SGMS1: variants seen among roughly 807,000 people sequenced by gnomAD.
SGMS1 encodes sphingomyelin synthase 1, also known as phosphatidylcholine:ceramide cholinephosphotransferase 1.
In SGMS1, 13 loss-of-function variants were observed where a neutral mutation model predicts 46.2. The ratio of observed to expected loss-of-function variants is 0.28; its 90% CI spans 0.18 to 0.45. The LOEUF (loss-of-function observed/expected upper bound fraction) is 0.45, where lower values mean the gene tolerates loss of function less well. Among genes scored for constraint, SGMS1 ranks in the 20% least tolerant of loss-of-function variants. The pLI is 1.00. For synonymous variants in SGMS1, 203 were observed against 187.8 expected, an observed-to-expected ratio of 1.08 and a Z score of -0.66; for missense variants, 324 against 519.9, an observed-to-expected ratio of 0.62 and a Z score of 3.66.
intron 6 of SGMS1, among the ~76,000 whole-genome samples, chr10:50,384,419 T>A (rs1848651930): frequency 6.6e-6 from 1 of 151,662 alleles, no homozygotes; most frequent in Admixed American, 6.6e-5. Flanking sequence ...TCCTTCTTTC[T>A]CCTTTCCCTC....
chr10:50,460,514 T>C (rs938440155), intron 5 of SGMS1, among the ~76,000 whole-genome samples, 159 bp downstream of exon 5: 2 of 152,192 alleles, frequency 1.3e-5, no homozygotes, highest in African/African-American at 4.8e-5. Context: ...CAGTCAAGGT[T>C]ACAGAAAGAC....
chr10:50,485,471 C>T (rs1837512276), intron 3 of SGMS1, among the ~76,000 whole-genome samples: 1 of 152,126 alleles, frequency 6.6e-6, no homozygotes, highest in Admixed American at 6.5e-5. Flanking sequence ...GCCATACTGC[C>T]CAAAGTAATT....
At chr10:50,623,982 G>C, upstream of SGMS1, 10 of 985,342 alleles carry the variant, frequency 1.0e-5, no homozygotes, top group Non-Finnish European at 1.2e-5. Context: ...TCCGCTGCCC[G>C]AGCCGGCCCG....
At chr10:50,530,272 C>A (rs1256113626) in intron 2 of SGMS1, among the ~76,000 whole-genome samples, 1 of 152,138 alleles carries the variant, frequency 6.6e-6, no homozygotes, top group Non-Finnish European at 1.5e-5. Context: ...AAAGACACAG[C>A]CAAATGGATA....
At chr10:50,404,575 T>A (rs929814823) in intron 6 of SGMS1, among the ~76,000 whole-genome samples, 4 of 152,166 alleles carry the variant, frequency 2.6e-5, no homozygotes, top group Non-Finnish European at 5.9e-5. Flanking sequence ...TGCATTGCAG[T>A]CTGGGTGAAG....
chr10:50,397,753 C>G (rs987338996), intron 6 of SGMS1, among the ~76,000 whole-genome samples: 4 of 152,122 alleles, frequency 2.6e-5, no homozygotes, highest in Non-Finnish European at 5.9e-5. Context: ...CTTAAGCAAC[C>G]ATTTAGGTTT....
intron 2 of SGMS1, among the ~76,000 whole-genome samples, chr10:50,569,179 C>T (rs1165190533): frequency 1.3e-5 from 2 of 151,376 alleles, no homozygotes; most frequent in Admixed American, 1.3e-4. Context: ...GGAGGGATAG[C>T]ATTAGGAGAA....
chr10:50,404,647 T>A (rs949357678), intron 6 of SGMS1, among the ~76,000 whole-genome samples: 1 of 152,168 alleles, frequency 6.6e-6, no homozygotes, highest in Admixed American at 6.5e-5. Context: ...AATTTGGTGA[T>A]GTTTATCAAA....
intron 6 of SGMS1, among the ~76,000 whole-genome samples, chr10:50,384,260 T>C (rs2133484424): frequency 6.6e-6 from 1 of 152,358 alleles, no homozygotes; most frequent in East Asian, 1.9e-4. Flanking sequence ...ACCATTTGTA[T>C]GATCTTGAGT....
intron 5 of SGMS1, among the ~76,000 whole-genome samples, chr10:50,442,184 A>AT (rs11397144): frequency 0.55 from 80,316 of 147,240 alleles, 21,797 homozygotes; most frequent in Non-Finnish European, 0.58. Context: ...TCTGCTGTAG[A>AT]TTTTTTTTTT....
At chr10:50,624,915 C>CCCACA, upstream of SGMS1, 2 of 1,008,314 alleles carry the variant, frequency 2.0e-6, no homozygotes, top group Non-Finnish European at 2.4e-6. Flanking sequence ...ACGGGCCCGG[C>CCCACA]GTACCACGTG....
Position 50,344,270 on chromosome 10 carries a change from AC to A in SGMS1, c.-157del. ...GCAAGATGGTCAGGGCAGTTTTTAA[AC>A]ACCTCATGTAGCTGTCCAGGGTTCC... On this transcript the variant is annotated 5_prime_UTR_variant, in exon 7 of 11. It introduces an in-frame stop codon into an upstream open reading frame of the 5' UTR. Transcript: ENST00000361781. The A allele has an allele frequency of 1.1e-6, 1 of 883,996 alleles. No homozygotes were observed. The highest frequency in any genetic ancestry group is 1.7e-6 in the Non-Finnish European group (1 of 599,126). 54.8% of individuals were successfully genotyped at this position (883,996 alleles called of 1,614,324 possible).
chr10:50,320,736 G>A lies in SGMS1; in HGVS notation c.741+6469C>T, dbSNP rs888007855. On this transcript the variant is annotated intron_variant, in intron 8 of 10. Transcript: ENST00000361781. The stretch of plus-strand genomic sequence containing the variant: ...TATTCCCCAATTCCCTTCCATACCC[G>A]TTGTTTCCTCCACCTGGAACCCTTC... 2.0e-4 allele frequency among the ~76,000 whole-genome samples: 31 copies of A among 152,080 alleles called. 1 individual carries two copies. The highest frequency in any genetic ancestry group is 7.0e-4 in the African/African-American group (29 of 41,414).
chr10:50,546,952 C>T (rs1016116599), intron 2 of SGMS1, among the ~76,000 whole-genome samples: 4 of 152,138 alleles, frequency 2.6e-5, no homozygotes, highest in African/African-American at 9.7e-5. Context: ...CCTCATTTTA[C>T]AGATTTTTAA....
At chr10:50,346,373 A>G (rs1048541887) in intron 6 of SGMS1, among the ~76,000 whole-genome samples, 3 of 152,104 alleles carry the variant, frequency 2.0e-5, no homozygotes, top group African/African-American at 7.2e-5. Context: ...AACTCTACCT[A>G]CCAGGGGGCT....
intron 1 of SGMS1, among the ~76,000 whole-genome samples, chr10:50,621,773 T>G: frequency 6.6e-6 from 1 of 152,260 alleles, no homozygotes; most frequent in East Asian, 1.9e-4. Context: ...AAATTTCTAT[T>G]CTGTGAAGCA....
At chr10:50,318,359 A>G in intron 8 of SGMS1, among the ~76,000 whole-genome samples, 1 of 152,228 alleles carries the variant, frequency 6.6e-6, no homozygotes, top group Non-Finnish European at 1.5e-5. Context: ...CACCTGTAAA[A>G]TGGCAAGAAC....
intron 6 of SGMS1, among the ~76,000 whole-genome samples, chr10:50,364,708 C>T (rs2574956): frequency 0.35 from 52,543 of 152,010 alleles, 9,304 homozygotes; most frequent in South Asian, 0.41. Context: ...AATAATCGTT[C>T]CCTCCAGCTT....
intron 6 of SGMS1, among the ~76,000 whole-genome samples, chr10:50,363,295 C>T (rs548190950): frequency 1.0e-3 from 153 of 152,204 alleles, no homozygotes; most frequent in African/African-American, 3.1e-3. Flanking sequence ...TCAGTGGTGA[C>T]GGATCTGGCA....
Sources: gnomAD v4.1 joint callset for allele counts (sites outside exome capture counted in the v4.1 genomes callset) on GRCh38, gnomAD v4.1.1 for gene constraint, MANE v1.5 for transcripts, NCBI Gene and HGNC (gene_info 2026-07-23, HGNC 2026-07-21) for gene names.